Variants in FGF12 observed in about 807,000 individuals in gnomAD.
FGF12 encodes fibroblast growth factor 12B.
FGF12 carries 14 observed loss-of-function variants against 23.6 expected under a neutral mutation model. The ratio of observed to expected loss-of-function variants is 0.59; its 90% CI spans 0.39 to 0.93. The LOEUF (loss-of-function observed/expected upper bound fraction) is 0.93. Among genes scored for constraint, FGF12 ranks in the 40% least tolerant of loss-of-function variants. FGF12 has a pLI of 0.00. For missense variants in FGF12, 175 were observed against 217.8 expected, an observed-to-expected ratio of 0.80 and a Z score of 1.24; for synonymous variants, 62 against 77.3, an observed-to-expected ratio of 0.80 and a Z score of 1.04.
intron 2 of FGF12, among the ~76,000 whole-genome samples, chr3:192,471,973 C>CA (rs112316947): frequency 0.033 from 5,051 of 151,864 alleles, 245 homozygotes; most frequent in African/African-American, 0.11. Context: ...CTGATTAAAA[C>CA]AAAAAAAGCC....
At chr3:192,347,449 T>C (rs531339095) in intron 3 of FGF12, among the ~76,000 whole-genome samples, 20 of 152,334 alleles carry the variant, frequency 1.3e-4, no homozygotes, top group African/African-American at 4.6e-4. Flanking sequence ...GCAGACTTCC[T>C]GATTCAAAAA....
In FGF12 at chr3:192,438,754, A is replaced by C. The variant is rs559693772; in HGVS notation, c.14-78216T>G. Among the ~76,000 whole-genome samples, 8 of 152,336 alleles carry C rather than the reference A, an allele frequency of 5.3e-5. No homozygotes were observed. The South Asian group carries it at 1.7e-3, about 32-fold the overall frequency. On this transcript the variant is annotated intron_variant, in intron 2 of 5. Coordinates refer to ENST00000445105, the MANE Select transcript of FGF12 (RefSeq NM_004113.6). ...GTTTGTGCTTGACCAGTAGGAGTGG[A>C]GTCTTTTGGTGTGACCAAGAAAGTC...
intron 2 of FGF12, among the ~76,000 whole-genome samples, chr3:192,714,744 T>G (rs1472068753): frequency 6.6e-6 from 1 of 152,080 alleles, no homozygotes; most frequent in Non-Finnish European, 1.5e-5. Context: ...GGTCTCGATC[T>G]CCTGACCTCG....
intron 2 of FGF12, among the ~76,000 whole-genome samples, chr3:192,704,015 A>G (rs1367553201): frequency 6.6e-6 from 1 of 152,204 alleles, no homozygotes; most frequent in African/African-American, 2.4e-5. Flanking sequence ...CTTCAAAGTT[A>G]TTCATGAGGA....
At chr3:192,456,453 A>T (rs1163826837) in intron 2 of FGF12, among the ~76,000 whole-genome samples, 1 of 152,222 alleles carries the variant, frequency 6.6e-6, no homozygotes, top group Admixed American at 6.5e-5. Flanking sequence ...CTTTCCAAAG[A>T]TTAATCTTTT....
At chr3:192,355,461 G>T (rs1230183505) in intron 3 of FGF12, among the ~76,000 whole-genome samples, 1 of 152,194 alleles carries the variant, frequency 6.6e-6, no homozygotes, top group African/African-American at 2.4e-5. Flanking sequence ...AATGGAGGGT[G>T]TGAATGAAAA....
intron 2 of FGF12, among the ~76,000 whole-genome samples, chr3:192,573,206 A>G (rs1371551616): frequency 6.6e-6 from 1 of 151,122 alleles, no homozygotes; most frequent in African/African-American, 2.4e-5. Context: ...CTTAAAAATA[A>G]TCTTGGAAAG....
At chr3:192,382,787 C>A (rs114233938) in intron 2 of FGF12, among the ~76,000 whole-genome samples, 2,225 of 152,176 alleles carry the variant, frequency 0.015, 28 homozygotes, top group East Asian at 0.058. Context: ...GTAAATTACC[C>A]TGTAAAATGA....
At chr3:192,497,567 T>C (rs928777200) in intron 2 of FGF12, among the ~76,000 whole-genome samples, 2 of 152,246 alleles carry the variant, frequency 1.3e-5, no homozygotes, top group African/African-American at 4.8e-5. Context: ...TCTCCTTTCT[T>C]ACAATTCTTC....
chr3:192,212,800 A>G (rs1323781196), intron 4 of FGF12, among the ~76,000 whole-genome samples: 1 of 151,676 alleles, frequency 6.6e-6, no homozygotes, highest in Non-Finnish European at 1.5e-5. Flanking sequence ...GGGGGGGTTA[A>G]AAAAAGAAAT....
At chr3:192,261,905 C>T (rs1321135780) in intron 4 of FGF12, among the ~76,000 whole-genome samples, 1 of 152,040 alleles carries the variant, frequency 6.6e-6, no homozygotes, top group African/African-American at 2.4e-5. Flanking sequence ...AAAATTCTCT[C>T]TTATGGGTTG....
intron 2 of FGF12, among the ~76,000 whole-genome samples, chr3:192,537,491 C>A (rs1725251723): frequency 6.6e-6 from 1 of 152,050 alleles, no homozygotes; most frequent in South Asian, 2.1e-4. Flanking sequence ...GGATAAAAAT[C>A]ATTTTAACTG....
chr3:192,223,809 A>C (rs1158045612), intron 4 of FGF12, among the ~76,000 whole-genome samples: 1 of 152,162 alleles, frequency 6.6e-6, no homozygotes, highest in Non-Finnish European at 1.5e-5. Flanking sequence ...TAAAATATTC[A>C]CTACTAAACA....
At chr3:192,553,719 C>G (rs770415025) in intron 2 of FGF12, among the ~76,000 whole-genome samples, 2 of 152,138 alleles carry the variant, frequency 1.3e-5, no homozygotes, top group African/African-American at 2.4e-5. Context: ...CAGAGTTGTA[C>G]AATCCGGAGA....
rs536479509 is a variant in FGF12 at position 192,722,412 on chromosome 3, C to T, written c.13+4769G>A. Reference sequence around the variant, plus strand: ...CTTTCTCTGCTGCAGAGTAAATCATCCTGGCTTCAGAGAAATGACTGTTCT... The same window carrying T: ...CTTTCTCTGCTGCAGAGTAAATCATTCTGGCTTCAGAGAAATGACTGTTCT... On this transcript the variant is annotated intron_variant, in intron 2 of 5. Coordinates refer to ENST00000445105, the MANE Select transcript of FGF12 (RefSeq NM_004113.6). 2.6e-5 allele frequency among the ~76,000 whole-genome samples: 4 copies of T among 152,288 alleles called. No homozygotes were observed. In the South Asian group the frequency reaches 8.3e-4, roughly 32 times the overall value.
intron 4 of FGF12, among the ~76,000 whole-genome samples, chr3:192,229,271 C>A (rs918232907): frequency 6.6e-6 from 1 of 151,746 alleles, no homozygotes; most frequent in Non-Finnish European, 1.5e-5. Context: ...CCAAGCCATA[C>A]TGGTAAAATG....
Position 192,673,549 on chromosome 3 carries a change from C to G in FGF12, c.13+53632G>C, listed in dbSNP as rs115844496. On this transcript the variant is annotated intron_variant, in intron 2 of 5. Transcript: ENST00000445105. ...CCTGATGCTCTCCCTCCTCCTGCCC[C>G]CCTGACAGGCTCCAGTGTGTGTTGC... Among the ~76,000 whole-genome samples the G allele has an allele frequency of 1.4e-3, 211 of 150,784 alleles. 1 individual carries two copies. The highest frequency in any genetic ancestry group is 5.0e-3 in the African/African-American group (205 of 41,374).
chr3:192,714,433 C>A (rs1452771020), intron 2 of FGF12, among the ~76,000 whole-genome samples: 1 of 151,088 alleles, frequency 6.6e-6, no homozygotes, highest in Admixed American at 6.6e-5. Context: ...AGCACAGTTG[C>A]AAAATGCACG....
intron 2 of FGF12, among the ~76,000 whole-genome samples, chr3:192,377,171 G>T (rs1244408383): frequency 6.6e-6 from 1 of 152,154 alleles, no homozygotes; most frequent in Non-Finnish European, 1.5e-5. Flanking sequence ...TTGGCAGATA[G>T]AAAATTTTTC....
Sources: gnomAD v4.1 joint callset for allele counts (sites outside exome capture counted in the v4.1 genomes callset) on GRCh38, gnomAD v4.1.1 for gene constraint, MANE v1.5 for transcripts, NCBI Gene and HGNC (gene_info 2026-07-23, HGNC 2026-07-21) for gene names.